HDGFL3: variants seen among roughly 807,000 people sequenced by gnomAD.
HDGFL3 encodes HDGF like 3.
Under a neutral mutation model 27.6 loss-of-function variants are expected in HDGFL3, and 6 were observed. The ratio of observed to expected loss-of-function variants is 0.22; its 90% confidence interval spans 0.12 to 0.43. The LOEUF is 0.43. HDGFL3 is among the 20% of genes least tolerant of loss of function. HDGFL3 has a pLI of 1.00. For missense variants in HDGFL3, 207 were observed against 250.1 expected (o/e 0.83, Z 1.16); for synonymous variants, 88 against 88.9 (o/e 0.99, Z 0.05).
intron 5 of HDGFL3, among the ~76,000 whole-genome samples, chr15:83,142,779 C>A (rs1394481463): frequency 1.3e-5 from 2 of 151,816 alleles, no homozygotes; most frequent in Non-Finnish European, 2.9e-5. Flanking sequence ...AAAGAGAATG[C>A]AGAAATAGAT....
intron 5 of HDGFL3, among the ~76,000 whole-genome samples, chr15:83,149,594 G>A (rs939743361): frequency 6.6e-6 from 1 of 152,158 alleles, no homozygotes; most frequent in Non-Finnish European, 1.5e-5. Flanking sequence ...TAAATGAGAC[G>A]TTGGATCGGG....
chr15:83,172,512 TTACAG>T (rs2037258789), intron 1 of HDGFL3, among the ~76,000 whole-genome samples: 1 of 152,106 alleles, frequency 6.6e-6, no homozygotes, highest in African/African-American at 2.4e-5. Context: ...TTATATATTA[TTACAG>T]TAAAGTAAGC....
At chr15:83,142,238 C>T (rs1291574231) in intron 5 of HDGFL3, among the ~76,000 whole-genome samples, 1 of 152,174 alleles carries the variant, frequency 6.6e-6, no homozygotes, top group Non-Finnish European at 1.5e-5. Context: ...CACTGCAGCA[C>T]TCGCTATATA....
intron 3 of HDGFL3, among the ~76,000 whole-genome samples, chr15:83,116,569 GT>G (rs2034676231): frequency 6.6e-6 from 1 of 152,242 alleles, no homozygotes; most frequent in African/African-American, 2.4e-5. Context: ...CGCTGTGGGA[GT>G]TTGGGTTTTA....
At chr15:83,152,990 C>CTTTTTTTT (rs920789734) in intron 4 of HDGFL3, among the ~76,000 whole-genome samples, 1 of 113,314 alleles carries the variant, frequency 8.8e-6, no homozygotes, top group Non-Finnish European at 1.9e-5. Context: ...ATACGCAGTT[C>CTTTTTTTT]TTTTTTTTTT....
chr15:83,160,615 C>T (rs936101470), intron 2 of HDGFL3, among the ~76,000 whole-genome samples: 2 of 152,078 alleles, frequency 1.3e-5, no homozygotes, highest in South Asian at 2.1e-4. Context: ...CCAGTTTAGA[C>T]ATCCAAGTGG....
At chr15:83,160,470 C>A (rs1417217521) in intron 2 of HDGFL3, among the ~76,000 whole-genome samples, 1 of 151,258 alleles carries the variant, frequency 6.6e-6, no homozygotes, top group Non-Finnish European at 1.5e-5. Flanking sequence ...CAGCCATGAG[C>A]CACCACACCT....
downstream of HDGFL3, chr15:83,123,000 G>A (rs1044938033): frequency 4.4e-5 from 48 of 1,092,930 alleles, no homozygotes; most frequent in Non-Finnish European, 5.9e-5. Flanking sequence ...CAAACAGTGC[G>A]ACTGTTTTGA....
At chr15:83,194,739 G>C (rs537040740) in intron 1 of HDGFL3, among the ~76,000 whole-genome samples, 2 of 152,190 alleles carry the variant, frequency 1.3e-5, no homozygotes, top group South Asian at 4.2e-4. Context: ...ATGGAGATGG[G>C]TGCAGACGGC....
At chr15:83,122,136 T>C in intron 3 of HDGFL3, 2 of 761,022 alleles carry the variant, frequency 2.6e-6, no homozygotes, top group South Asian at 1.7e-5. Context: ...TGCAGAATAA[T>C]TCCTTTTTCT....
chr15:83,145,611 A>G (rs1328699867), intron 5 of HDGFL3, among the ~76,000 whole-genome samples: 1 of 151,998 alleles, frequency 6.6e-6, no homozygotes, highest in Non-Finnish European at 1.5e-5. Context: ...AAAGCCTCCC[A>G]GTTTTGAATC....
chr15:83,151,883 T>G (rs369181324), intron 4 of HDGFL3, among the ~76,000 whole-genome samples: 37 of 152,354 alleles, frequency 2.4e-4, no homozygotes, highest in African/African-American at 8.2e-4. Flanking sequence ...CTGTTTGATA[T>G]AAACTAATCT....
At chr15:83,203,518 C>T (rs1200869790) in intron 1 of HDGFL3, among the ~76,000 whole-genome samples, 1 of 151,922 alleles carries the variant, frequency 6.6e-6, no homozygotes, top group African/African-American at 2.4e-5. Flanking sequence ...AAGATTCCTA[C>T]ACAAAAATAA....
intron 4 of HDGFL3, among the ~76,000 whole-genome samples, chr15:83,155,234 AATAG>A (rs1490812228): frequency 5.2e-5 from 8 of 152,388 alleles, no homozygotes; most frequent in Non-Finnish European, 1.0e-4. Context: ...CTTAATTTAA[AATAG>A]ATAAACATTA....
At chr15:83,145,408 T>C (rs917305246) in intron 5 of HDGFL3, among the ~76,000 whole-genome samples, 3 of 152,176 alleles carry the variant, frequency 2.0e-5, no homozygotes, top group African/African-American at 7.2e-5. Context: ...CAACTTGTTC[T>C]AACTAAAACC....
intron 2 of HDGFL3, 116 bp downstream of exon 2, chr15:83,163,883 T>C: frequency 1.4e-6 from 1 of 707,408 alleles, no homozygotes; most frequent in East Asian, 3.0e-5. Context: ...ACTTTGGCAA[T>C]TTTATATAAC....
intron 1 of HDGFL3, among the ~76,000 whole-genome samples, chr15:83,176,616 T>C (rs541574439): frequency 1.8e-3 from 269 of 152,256 alleles, no homozygotes; most frequent in Non-Finnish European, 2.9e-3. Context: ...TGGGACTCAT[T>C]AGAAATGCTT....
chr15:83,146,281 T>C (rs2036891265), intron 5 of HDGFL3, among the ~76,000 whole-genome samples: 1 of 152,138 alleles, frequency 6.6e-6, no homozygotes, highest in African/African-American at 2.4e-5. Flanking sequence ...TTTTAGGTTA[T>C]TATTAAGAAC....
At chr15:83,173,506 G>A (rs2037271707) in intron 1 of HDGFL3, among the ~76,000 whole-genome samples, 1 of 152,108 alleles carries the variant, frequency 6.6e-6, no homozygotes, top group Admixed American at 6.5e-5. Flanking sequence ...AGGAACATCT[G>A]TACTCTTGTC....
Sources: gnomAD v4.1 joint callset for allele counts (sites outside exome capture counted in the v4.1 genomes callset) on GRCh38, gnomAD v4.1.1 for gene constraint, MANE v1.5 for transcripts, NCBI Gene and HGNC (gene_info 2026-07-23, HGNC 2026-07-21) for gene names.